NUBPL: variants seen among roughly 807,000 people sequenced by gnomAD.
The protein encoded by NUBPL is NUBP iron-sulfur cluster assembly factor, mitochondrial, also known as iron-sulfur cluster transfer protein NUBPL.
NUBPL carries 31 observed loss-of-function variants against 45.7 expected under a neutral mutation model. The ratio of observed to expected loss-of-function variants is 0.68; its 90% CI spans 0.51 to 0.92. The LOEUF is 0.92. Ranked by LOEUF, NUBPL falls within the 40% of genes least tolerant of loss-of-function variation. The pLI, the probability that NUBPL is intolerant of heterozygous loss-of-function variation, is 0.00. For synonymous variants in NUBPL, 144 were observed against 140.9 expected (o/e 1.02, Z -0.15); for missense variants, 401 against 398.7 (o/e 1.01, Z -0.05).
intron 7 of NUBPL, among the ~76,000 whole-genome samples, chr14:31,803,464 A>ATGT: frequency 1.7e-5 from 1 of 58,342 alleles, no homozygotes; most frequent in Non-Finnish European, 5.5e-5. Flanking sequence ...AATGACCTCA[A>ATGT]AATGTAGCTC....
intron 7 of NUBPL, among the ~76,000 whole-genome samples, chr14:31,824,382 C>A (rs953499987): frequency 6.6e-6 from 1 of 152,082 alleles, no homozygotes; most frequent in African/African-American, 2.4e-5. Flanking sequence ...TCTTCCCGCA[C>A]CCCATACTGA....
At chr14:31,852,607 G>C (rs530641602) in intron 10 of NUBPL, among the ~76,000 whole-genome samples, 3 of 152,256 alleles carry the variant, frequency 2.0e-5, no homozygotes, top group African/African-American at 7.2e-5. Context: ...GGAGGCGGAG[G>C]TTGCAGTAAG....
chr14:31,620,180 C>A (rs146107948), intron 4 of NUBPL, among the ~76,000 whole-genome samples: 53 of 152,098 alleles, frequency 3.5e-4, no homozygotes, highest in African/African-American at 1.2e-3. Context: ...AGCAATTCAT[C>A]TGACGTTTTT....
At position 31,785,359 on chromosome 14, in the gene NUBPL, G is replaced by A. The variant is rs370825715; in HGVS notation, c.514-2421G>A. On this transcript the variant is annotated intron_variant, in intron 6 of 10. Transcript: ENST00000281081. ...AGGAACTGACTGCACAGCAAGAGGTGAACAATGGGTTAGTGAATGAAGCTG... is the reference window on the plus strand; with the variant it reads ...AGGAACTGACTGCACAGCAAGAGGTAAACAATGGGTTAGTGAATGAAGCTG... 4.1e-4 allele frequency among the ~76,000 whole-genome samples: 63 copies of A among 152,330 alleles called. No individual in the cohort carries two copies. In the East Asian group the frequency reaches 6.6e-3, roughly 16 times the overall value.
intron 6 of NUBPL, among the ~76,000 whole-genome samples, chr14:31,758,976 C>T (rs4548772): frequency 0.29 from 44,612 of 151,630 alleles, 7,355 homozygotes; most frequent in South Asian, 0.41. Context: ...TTTACCATAG[C>T]CAGGTGGACG....
chr14:31,797,504 CTT>C (rs1217637639), intron 7 of NUBPL, among the ~76,000 whole-genome samples: 2 of 47,558 alleles, frequency 4.2e-5, no homozygotes, highest in East Asian at 5.9e-4. Context: ...TTCTTTGTCT[CTT>C]TTGATCTTTG....
At chr14:31,803,798 T>G (rs1264711795) in intron 7 of NUBPL, among the ~76,000 whole-genome samples, 1 of 152,240 alleles carries the variant, frequency 6.6e-6, no homozygotes, top group Non-Finnish European at 1.5e-5. Flanking sequence ...CAGGGTTTCA[T>G]CTTTTAAGAC....
At chr14:31,748,113 G>T (rs1400452113) in intron 6 of NUBPL, among the ~76,000 whole-genome samples, 2 of 152,176 alleles carry the variant, frequency 1.3e-5, no homozygotes, top group East Asian at 3.8e-4. Context: ...TATTTCCAAA[G>T]TTCCTCTTGG....
intron 7 of NUBPL, among the ~76,000 whole-genome samples, chr14:31,816,448 C>T (rs1285139224): frequency 1.5e-5 from 1 of 65,048 alleles, no homozygotes; most frequent in East Asian, 5.1e-4. Context: ...TGGTTAGAGT[C>T]TATCTATTTT....
At chr14:31,607,031 A>G (rs2034619213) in intron 4 of NUBPL, among the ~76,000 whole-genome samples, 1 of 152,216 alleles carries the variant, frequency 6.6e-6, no homozygotes. Flanking sequence ...AAAAGAGAAT[A>G]GTGATGTTTC....
intron 4 of NUBPL, among the ~76,000 whole-genome samples, chr14:31,646,806 T>A (rs1042025164): frequency 2.0e-4 from 31 of 152,020 alleles, no homozygotes; most frequent in Admixed American, 2.0e-4. Context: ...TATCCCTTTC[T>A]CTTGCTCAGC....
rs186499157 is a variant in NUBPL, at chr14:31,717,652, T to C, written c.513+44078T>C. Among the ~76,000 whole-genome samples, 433 of 152,308 alleles carry C rather than the reference T, an allele frequency of 2.8e-3. 2 individuals are homozygous for C. Among genetic ancestry groups the C allele is most frequent in the African/African-American group, 9.7e-3 (405 of 41,554 alleles). On this transcript the variant is annotated intron_variant, in intron 6 of 10. Transcript: ENST00000281081. ...GGCTCCTTCACTCTTAATCTAAGCC[T>C]TAAAAAGAAACACCACTACCAAAAC... is the stretch of plus-strand genomic sequence containing the variant.
intron 4 of NUBPL, among the ~76,000 whole-genome samples, chr14:31,606,099 C>CTTTTTTT (rs56899102): frequency 9.1e-5 from 11 of 120,516 alleles, no homozygotes; most frequent in South Asian, 2.7e-4. Flanking sequence ...CTTTTCTTTT[C>CTTTTTTT]TTTTTTTTTT....
intron 6 of NUBPL, among the ~76,000 whole-genome samples, chr14:31,729,289 A>G (rs2378941): frequency 2.5e-3 from 272 of 107,750 alleles, no homozygotes; most frequent in African/African-American, 0.01. Flanking sequence ...CCCCCCCCCC[A>G]AAAAAAAAGT....
At chr14:31,697,672 A>G (rs952665032) in intron 6 of NUBPL, among the ~76,000 whole-genome samples, 2 of 152,242 alleles carry the variant, frequency 1.3e-5, no homozygotes, top group Admixed American at 1.3e-4. Context: ...AGCAGAGTTA[A>G]AGAGAAAAAT....
At chr14:31,678,759 G>A (rs544149503) in intron 6 of NUBPL, among the ~76,000 whole-genome samples, 4 of 152,264 alleles carry the variant, frequency 2.6e-5, no homozygotes, top group African/African-American at 9.6e-5. Context: ...GGTTGGGGGA[G>A]TGTTGGTGCA....
intron 6 of NUBPL, among the ~76,000 whole-genome samples, chr14:31,769,450 G>T (rs760194524): frequency 4.6e-4 from 70 of 151,918 alleles, no homozygotes; most frequent in Non-Finnish European, 8.2e-4. Flanking sequence ...TTCTTTATTG[G>T]TATAACTCAT....
intron 4 of NUBPL, 49 bp downstream of exon 4, chr14:31,599,428 A>T: frequency 7.9e-7 from 1 of 1,259,852 alleles, no homozygotes; most frequent in Non-Finnish European, 1.2e-6. Context: ...ACTTTTATTA[A>T]TACTTACTGG....
At chr14:31,766,989 A>G (rs1037737171) in intron 6 of NUBPL, among the ~76,000 whole-genome samples, 18 of 151,956 alleles carry the variant, frequency 1.2e-4, no homozygotes, top group African/African-American at 4.1e-4. Flanking sequence ...ACAAATACAT[A>G]ATTAAAAAAA....
Sources: allele counts gnomAD v4.1 joint callset (sites outside exome capture counted in the v4.1 genomes callset), GRCh38; gene constraint gnomAD v4.1.1; transcripts MANE v1.5; gene names NCBI Gene and HGNC (gene_info 2026-07-23, HGNC 2026-07-21).